NDST3: variants seen among roughly 807,000 people sequenced by gnomAD.
NDST3 encodes bifunctional heparan sulfate N-deacetylase/N-sulfotransferase 3.
In NDST3, 58 loss-of-function variants were observed where a neutral mutation model predicts 96.1. The observed-to-expected ratio is 0.60, with a 90% CI of 0.49 to 0.75. The LOEUF (loss-of-function observed/expected upper bound fraction) is 0.75. Ranked by LOEUF, NDST3 falls within the 30% of genes least tolerant of loss-of-function variation. NDST3 has a pLI of 0.00. For missense variants in NDST3, 788 were observed against 1,034.2 expected, an observed-to-expected ratio of 0.76 and a Z score of 3.27; for synonymous variants, 333 against 359.7, an observed-to-expected ratio of 0.93 and a Z score of 0.84.
intron 12 of NDST3, among the ~76,000 whole-genome samples, chr4:118,248,985 T>C (rs887054056): frequency 1.3e-5 from 2 of 152,166 alleles, no homozygotes; most frequent in Non-Finnish European, 2.9e-5. Flanking sequence ...GACACACTTA[T>C]ACCATTGCCT....
At chr4:118,086,101 A>T (rs1728396413) in intron 2 of NDST3, among the ~76,000 whole-genome samples, 1 of 152,178 alleles carries the variant, frequency 6.6e-6, no homozygotes, top group Non-Finnish European at 1.5e-5. Flanking sequence ...CCTCCCCTGT[A>T]GCTGTACCTG....
chr4:118,230,175 C>A (rs1740171905), intron 8 of NDST3, among the ~76,000 whole-genome samples: 1 of 152,088 alleles, frequency 6.6e-6, no homozygotes, highest in African/African-American at 2.4e-5. Context: ...TGTAATGGAG[C>A]TTTTTTCCTC....
intron 2 of NDST3, among the ~76,000 whole-genome samples, chr4:118,088,589 C>T (rs1328985040): frequency 1.3e-5 from 2 of 151,950 alleles, no homozygotes; most frequent in East Asian, 3.9e-4. Context: ...CTTGGAATGA[C>T]GTTAGCTTTT....
At chr4:118,181,354 G>A (rs1032158067) in intron 6 of NDST3, among the ~76,000 whole-genome samples, 1 of 152,076 alleles carries the variant, frequency 6.6e-6, no homozygotes, top group African/African-American at 2.4e-5. Flanking sequence ...GAAGAAGGAG[G>A]AGCAGGAAAT....
chr4:118,053,514 A>C (rs141038611), intron 1 of NDST3, among the ~76,000 whole-genome samples: 1 of 151,860 alleles, frequency 6.6e-6, no homozygotes, highest in Non-Finnish European at 1.5e-5. Flanking sequence ...AATATCATGA[A>C]ATTTTCTGTT....
At position 118,246,153 on chromosome 4, in the gene NDST3, T is replaced by C. The variant is rs139756842; in HGVS notation, c.2399+4004T>C. On this transcript the variant is annotated intron_variant, in intron 12 of 13. Coordinates refer to ENST00000296499, the MANE Select transcript of NDST3 (RefSeq NM_004784.3). ...GTGCACTGGATGTCACTTTTCTTCA[T>C]AAATATGTAATCATAAAGATATGCA... 7.9e-5 allele frequency among the ~76,000 whole-genome samples: 12 copies of C among 152,336 alleles called. No homozygotes were observed. The East Asian group carries it at 2.3e-3, about 29-fold the overall frequency.
chr4:118,042,537 C>T (rs1297051283), intron 1 of NDST3, among the ~76,000 whole-genome samples: 2 of 152,226 alleles, frequency 1.3e-5, no homozygotes, highest in South Asian at 2.1e-4. Flanking sequence ...TTATCAAATC[C>T]CTCTGTTCAA....
chr4:118,153,349 A>C (rs12711064), intron 6 of NDST3, among the ~76,000 whole-genome samples: 127,606 of 152,130 alleles, frequency 0.84, 55,030 homozygotes, highest in South Asian at 0.95. Context: ...AGGAAGAGTT[A>C]TGGCATTATA....
intron 6 of NDST3, among the ~76,000 whole-genome samples, chr4:118,161,993 T>C (rs546612768): frequency 6.6e-6 from 1 of 152,160 alleles, no homozygotes; most frequent in African/African-American, 2.4e-5. Context: ...AGACCGGAGC[T>C]GTTCCTATTC....
chr4:118,152,339 A>G (rs936251808), intron 6 of NDST3, among the ~76,000 whole-genome samples: 2 of 152,216 alleles, frequency 1.3e-5, no homozygotes, highest in East Asian at 3.9e-4. Context: ...GACTCCAGAA[A>G]GTAATATTAC....
At chr4:118,166,269 G>A (rs1427841245) in intron 6 of NDST3, among the ~76,000 whole-genome samples, 1 of 151,746 alleles carries the variant, frequency 6.6e-6, no homozygotes, top group Non-Finnish European at 1.5e-5. Context: ...AGTCTATAAT[G>A]TACAATTATA....
intron 6 of NDST3, among the ~76,000 whole-genome samples, chr4:118,176,659 G>T (rs1026426489): frequency 1.3e-5 from 2 of 151,996 alleles, no homozygotes; most frequent in African/African-American, 2.4e-5. Context: ...CTCAAAAACT[G>T]GTTAAGAAAG....
intron 6 of NDST3, among the ~76,000 whole-genome samples, chr4:118,197,845 G>GCTGGAGTA (rs1737802316): frequency 6.8e-6 from 1 of 146,688 alleles, no homozygotes; most frequent in Admixed American, 6.9e-5. Context: ...CTGTCACCAG[G>GCTGGAGTA]CTGGAGTACG....
intron 6 of NDST3, chr4:118,194,342 C>A (rs1193543125): frequency 1.9e-5 from 14 of 732,466 alleles, no homozygotes; most frequent in African/African-American, 5.2e-5. Context: ...GATCTTCTCC[C>A]TTAAACTCAA....
chr4:118,226,730 CATG>C (rs1467895312), intron 7 of NDST3, among the ~76,000 whole-genome samples, 153 bp from the exon 8 acceptor site: 2 of 152,108 alleles, frequency 1.3e-5, no homozygotes, highest in Non-Finnish European at 2.9e-5. Flanking sequence ...TCAGAACTTC[CATG>C]ATGCCACTTC....
chr4:118,145,679 T>C (rs987958795), intron 6 of NDST3, among the ~76,000 whole-genome samples: 2 of 152,212 alleles, frequency 1.3e-5, no homozygotes, highest in Non-Finnish European at 2.9e-5. Flanking sequence ...TGAATGATAT[T>C]TGGCAATTTT....
intron 12 of NDST3, among the ~76,000 whole-genome samples, chr4:118,242,432 TC>T (rs1200893267): frequency 6.6e-6 from 1 of 152,212 alleles, no homozygotes; most frequent in Non-Finnish European, 1.5e-5. Flanking sequence ...AAAGAAGTTA[TC>T]TGAAATAAAT....
chr4:118,199,659 T>C (rs1341634914), intron 6 of NDST3, among the ~76,000 whole-genome samples: 4 of 152,152 alleles, frequency 2.6e-5, no homozygotes, highest in Non-Finnish European at 5.9e-5. Context: ...GTTAGGTATT[T>C]ATTGTAGTCT....
intron 2 of NDST3, among the ~76,000 whole-genome samples, chr4:118,095,489 G>GATACC (rs1729222689): frequency 1.3e-5 from 2 of 151,174 alleles, no homozygotes; most frequent in African/African-American, 4.8e-5. Flanking sequence ...TAACTTGCAT[G>GATACC]ATACCATATT....
Sources: gnomAD v4.1 joint callset for allele counts (sites outside exome capture counted in the v4.1 genomes callset) on GRCh38, gnomAD v4.1.1 for gene constraint, MANE v1.5 for transcripts, NCBI Gene and HGNC (gene_info 2026-07-23, HGNC 2026-07-21) for gene names.